Variants in SLC36A1 observed in about 807,000 individuals in gnomAD.
The protein encoded by SLC36A1 is solute carrier family 36 member 1, also known as proton-coupled amino acid transporter 1.
SLC36A1 carries 30 observed loss-of-function variants against 47.5 expected under a neutral mutation model. The observed-to-expected ratio is 0.63, with a 90% confidence interval of 0.47 to 0.86. SLC36A1 has a LOEUF of 0.86. Ranked by LOEUF, SLC36A1 falls within the 40% of genes least tolerant of loss-of-function variation. SLC36A1 has a pLI of 0.00. For synonymous variants in SLC36A1, 255 were observed against 249.7 expected (o/e 1.02, Z -0.20); for missense variants, 517 against 606.0 (o/e 0.85, Z 1.54).
At chr5:151,503,898 A>G in the SLC36A1 span, among the ~76,000 whole-genome samples, 2 of 152,042 alleles carry the variant, frequency 1.3e-5, no homozygotes, top group Non-Finnish European at 2.9e-5. Context: ...GGTTTTTTCC[A>G]AATAGTTTCC....
At chr5:151,525,096 A>G in the SLC36A1 span, among the ~76,000 whole-genome samples, 1 of 152,340 alleles carries the variant, frequency 6.6e-6, no homozygotes, top group African/African-American at 2.4e-5. Flanking sequence ...TAGATGCTCA[A>G]TAAATACTTG....
At chr5:151,434,227 A>G (rs760541458), upstream of SLC36A1, among the ~76,000 whole-genome samples, 74 of 152,382 alleles carry the variant, frequency 4.9e-4, no homozygotes, top group Non-Finnish European at 8.4e-4. Context: ...GAAATGTATG[A>G]TACAAACGAA....
the SLC36A1 span, chr5:151,505,877 C>G: frequency 1.9e-6 from 3 of 1,606,006 alleles, no homozygotes; most frequent in African/African-American, 1.3e-5. Context: ...CTTCCAGGTT[C>G]TGGTTGCTGT....
chr5:151,500,363 T>TTTG, the SLC36A1 span, among the ~76,000 whole-genome samples: 12 of 151,762 alleles, frequency 7.9e-5, no homozygotes, highest in South Asian at 4.2e-4. Flanking sequence ...TCATTAGGGT[T>TTTG]TTGTTGTTGT....
the SLC36A1 span, among the ~76,000 whole-genome samples, chr5:151,555,431 C>T: frequency 7.0e-6 from 1 of 143,436 alleles, no homozygotes; most frequent in South Asian, 2.2e-4. Context: ...AGTTCAGTGG[C>T]ACGATCTCAG....
chr5:151,399,065 A>AATATATAT, the SLC36A1 span, among the ~76,000 whole-genome samples: 505 of 66,536 alleles, frequency 7.6e-3, 10 homozygotes, highest in East Asian at 0.048. Context: ...TGTGTGTGTA[A>AATATATAT]ATATATATAT....
At chr5:151,520,492 A>T in the SLC36A1 span, among the ~76,000 whole-genome samples, 4 of 152,090 alleles carry the variant, frequency 2.6e-5, no homozygotes, top group African/African-American at 9.7e-5. Context: ...TTTAGGTGAC[A>T]TCTACACAGA....
chr5:151,377,990 G>T, the SLC36A1 span: 1 of 188,386 alleles, frequency 5.3e-6, no homozygotes, highest in East Asian at 1.3e-4. Flanking sequence ...TCTTTTAAGT[G>T]GGGTCTTTAT....
chr5:151,458,694 C>CT, intron 1 of SLC36A1, 94 bp from the exon 2 acceptor site: 2 of 1,370,198 alleles, frequency 1.5e-6, no homozygotes, highest in Non-Finnish European at 2.0e-6. Context: ...GTGAGCAACT[C>CT]TGACAATGAC....
In SLC36A1 at chr5:151,489,257, G is replaced by C. The variant is rs1759913350; in HGVS notation, c.*1003G>C. On this transcript the variant is annotated 3_prime_UTR_variant, in exon 11 of 11. Transcript: ENST00000243389. This position sits in a 1 kb window ranked among gnomAD's most constrained non-coding sequence, Gnocchi z 4.5. ...GCACCGGGCCGAGGGAAGGGTGGCT[G>C]AGTGAGAGGCGTATAAAATGGGGCT... 1 of 152,566 alleles carries C rather than the reference G, an allele frequency of 6.6e-6. No individual in the cohort carries two copies. The highest frequency in any genetic ancestry group is 6.5e-5 in the Admixed American group (1 of 15,286). 9.5% of individuals were successfully genotyped at this position (152,566 alleles called of 1,614,324 possible).
upstream of SLC36A1, among the ~76,000 whole-genome samples, chr5:151,435,767 G>C (rs1561707544): frequency 1.3e-5 from 2 of 151,292 alleles, no homozygotes; most frequent in East Asian, 1.9e-4. Context: ...CAGTAAAGGA[G>C]AAAAAACATA....
the SLC36A1 span, among the ~76,000 whole-genome samples, chr5:151,525,297 C>G: frequency 6.6e-6 from 1 of 152,196 alleles, no homozygotes; most frequent in African/African-American, 2.4e-5. Context: ...ACACCACCAC[C>G]AGAATCCCCT....
chr5:151,533,236 T>C, the SLC36A1 span, among the ~76,000 whole-genome samples: 1 of 152,048 alleles, frequency 6.6e-6, no homozygotes, highest in Non-Finnish European at 1.5e-5. Context: ...GTGTAAGCAG[T>C]GGCTAATGGA....
At chr5:151,521,729 C>A in the SLC36A1 span, 1 of 1,614,048 alleles carries the variant, frequency 6.2e-7, no homozygotes, top group Admixed American at 1.7e-5. Flanking sequence ...TCCTGCCCCA[C>A]ATGCCACACG....
chr5:151,397,576 C>T, the SLC36A1 span, among the ~76,000 whole-genome samples: 1 of 152,006 alleles, frequency 6.6e-6, no homozygotes, highest in Admixed American at 6.5e-5. Flanking sequence ...AAAACCAGGG[C>T]CAACATGGTG....
rs751904883 is a variant in SLC36A1, at chr5:151,467,718, G to A, written c.516G>A (p.Ala172=). The A allele has an allele frequency of 8.1e-6, 13 of 1,613,962 alleles. No individual in the cohort carries two copies. Among genetic ancestry groups the A allele is most frequent in the South Asian group, 3.3e-5 (3 of 91,068 alleles). The part of the protein sequence containing the change: ...LADNFKQVIE[A]ANGTTNNCHN... ...TCCCCTCATTCTAGGTGATAGAAGC[G>A]GCCAATGGGACCACCAATAACTGCC... Residue 172 remains alanine (A), a synonymous_variant, in exon 7 of 11, where the codon GCG becomes GCA. Coordinates refer to ENST00000243389, the MANE Select transcript of SLC36A1 (RefSeq NM_078483.4).
At chr5:151,443,225 T>A (rs10042161), upstream of SLC36A1, among the ~76,000 whole-genome samples, 33,998 of 151,868 alleles carry the variant, frequency 0.22, 4,069 homozygotes, top group African/African-American at 0.29. Flanking sequence ...CTGTTTTTTT[T>A]AAAAAAAGAA....
At chr5:151,513,566 G>C in the SLC36A1 span, among the ~76,000 whole-genome samples, 1 of 152,240 alleles carries the variant, frequency 6.6e-6, no homozygotes, top group Non-Finnish European at 1.5e-5. Flanking sequence ...ACGCAAAGAA[G>C]GGAACAATAG....
chr5:151,517,592 G>A, the SLC36A1 span: 3 of 1,613,006 alleles, frequency 1.9e-6, no homozygotes, highest in South Asian at 3.3e-5. Context: ...ACACCCACAT[G>A]AAATCTCTCA....
Sources: allele counts gnomAD v4.1 joint callset (sites outside exome capture counted in the v4.1 genomes callset), GRCh38; gene constraint gnomAD v4.1.1; non-coding constraint Gnocchi (gnomAD v3.1); transcripts MANE v1.5; gene names NCBI Gene and HGNC (gene_info 2026-07-23, HGNC 2026-07-21).